UTP20: variants seen among roughly 807,000 people sequenced by gnomAD.
UTP20 encodes UTP20 small subunit processome component, also known as small subunit processome component 20 homolog.
In UTP20, 164 loss-of-function variants were observed where a neutral mutation model predicts 329.5. The observed-to-expected ratio is 0.50, with a 90% CI of 0.44 to 0.57. The LOEUF is 0.57. Ranked by LOEUF, UTP20 falls within the 20% of genes least tolerant of loss-of-function variation. UTP20 has a pLI of 0.00. For synonymous variants in UTP20, 1,151 were observed against 1,159.3 expected (o/e 0.99, Z 0.14); for missense variants, 3,055 against 3,284.2 (o/e 0.93, Z 1.71).
chr12:101,355,008 G>A lies in UTP20; in HGVS notation c.5284G>A (p.Val1762Ile), dbSNP rs764125310. ...AGAATCCGAGTGTATCACAAAGCCT[G>A]TCTCTTTCCTTCCTCAAAACAAGGA... ...AKESECITKP[V>I]SFLPQNKEEI... The change falls in exon 41 of 62, where the codon GTC becomes ATC. Residue 1762 changes from valine to isoleucine, a missense_variant. Transcript: ENST00000261637. 2 of 1,614,072 alleles carry A rather than the reference G, an allele frequency of 1.2e-6. No homozygotes were observed. Among genetic ancestry groups the A allele is most frequent in the East Asian group, 2.2e-5 (1 of 44,896 alleles).
At chr12:101,284,434 A>G (rs1025298768) in intron 2 of UTP20, among the ~76,000 whole-genome samples, 4 of 152,118 alleles carry the variant, frequency 2.6e-5, no homozygotes, top group Admixed American at 2.6e-4. Flanking sequence ...ATTCTTTTTT[A>G]AGGCATATAA....
chr12:101,344,028 C>T (rs932427959), intron 35 of UTP20, among the ~76,000 whole-genome samples: 2 of 152,156 alleles, frequency 1.3e-5, no homozygotes, highest in Non-Finnish European at 2.9e-5. Flanking sequence ...CATGTAGTGG[C>T]ATCAGTGATC....
At chr12:101,356,862 A>G (rs1379215306) in intron 42 of UTP20, 64 bp from the exon 43 acceptor site, 1 of 1,532,852 alleles carries the variant, frequency 6.5e-7, no homozygotes, top group African/African-American at 1.4e-5. Context: ...AGACTAAAGG[A>G]TATGTGTATG....
At chr12:101,308,682 C>T (rs887485194) in intron 18 of UTP20, among the ~76,000 whole-genome samples, 2 of 151,278 alleles carry the variant, frequency 1.3e-5, no homozygotes, top group African/African-American at 4.9e-5. Context: ...AGGTTTAAAG[C>T]TTGCTCTTCT....
Position 101,285,843 on chromosome 12 carries a change from G to A in UTP20, c.288G>A (p.Leu96=). Residue 96 remains leucine, a synonymous_variant, in exon 4 of 62, where the codon CTG becomes CTA. Transcript: ENST00000261637. The part of the protein sequence containing the change: ...NEIVQSLKTH[L]QVKNSFAYQP... Reference sequence around the variant, plus strand: ...TAGTTCAGAGTTTGAAGACTCACCTGCAAGTTAAGAACAGTTTTGCCTATC... The same window carrying A: ...TAGTTCAGAGTTTGAAGACTCACCTACAAGTTAAGAACAGTTTTGCCTATC... The A allele has an allele frequency of 6.2e-7, 1 of 1,613,822 alleles. No individual in the cohort carries two copies. Among genetic ancestry groups the A allele is most frequent in the Middle Eastern group, 1.7e-4 (1 of 6,058 alleles).
At chr12:101,283,812 T>C (rs963971842) in intron 2 of UTP20, among the ~76,000 whole-genome samples, 1 of 152,200 alleles carries the variant, frequency 6.6e-6, no homozygotes, top group Non-Finnish European at 1.5e-5. Context: ...AGCCTCCCAC[T>C]GTTGGGATTA....
intron 2 of UTP20, among the ~76,000 whole-genome samples, chr12:101,282,973 G>C (rs1264678280): frequency 6.6e-6 from 1 of 152,174 alleles, no homozygotes; most frequent in Non-Finnish European, 1.5e-5. Flanking sequence ...TACTCATCAA[G>C]ATATATTTAT....
At chr12:101,286,266 A>T in intron 4 of UTP20, 55 bp from the exon 5 acceptor site, 2 of 1,471,808 alleles carry the variant, frequency 1.4e-6, no homozygotes, top group Non-Finnish European at 1.8e-6. Context: ...CGTTAAGTAG[A>T]TTTGTAGCCT....
chr12:101,313,007 A>G (rs1015590035), intron 21 of UTP20, among the ~76,000 whole-genome samples: 1 of 152,050 alleles, frequency 6.6e-6, no homozygotes, highest in African/African-American at 2.4e-5. Context: ...GCTTGAAGGT[A>G]TTTTCCAGTG....
chr12:101,385,511 T>G, intron 60 of UTP20, 72 bp from the exon 61 acceptor site: 1 of 1,508,556 alleles, frequency 6.6e-7, no homozygotes, highest in Non-Finnish European at 8.9e-7. Context: ...TTGTACATAT[T>G]GTTGATTTTG....
intron 27 of UTP20, among the ~76,000 whole-genome samples, chr12:101,329,839 G>T (rs1208985118): frequency 6.6e-6 from 1 of 151,566 alleles, no homozygotes; most frequent in Admixed American, 6.6e-5. Context: ...CCCCATTTAT[G>T]CAAAAAAGTA....
intron 43 of UTP20, among the ~76,000 whole-genome samples, chr12:101,357,409 A>G (rs1869758811): frequency 1.3e-5 from 2 of 152,160 alleles, no homozygotes. Flanking sequence ...GGTGTGAATG[A>G]TAAAGAACAT....
intron 12 of UTP20, among the ~76,000 whole-genome samples, chr12:101,297,802 C>G (rs778915902): frequency 2.0e-5 from 3 of 152,180 alleles, no homozygotes; most frequent in Non-Finnish European, 4.4e-5. Flanking sequence ...AGCTAAGGGA[C>G]TGACTGAGAC....
intron 43 of UTP20, among the ~76,000 whole-genome samples, chr12:101,358,404 A>T (rs1355952614): frequency 6.6e-6 from 1 of 152,228 alleles, no homozygotes; most frequent in Non-Finnish European, 1.5e-5. Flanking sequence ...ATTGTCAAAC[A>T]AGTTTTAAGC....
At chr12:101,381,888 G>C (rs777742122) in intron 58 of UTP20, among the ~76,000 whole-genome samples, 2 of 151,656 alleles carry the variant, frequency 1.3e-5, no homozygotes, top group Admixed American at 6.6e-5. Context: ...GCATGGTGGC[G>C]CATGCCTGTA....
Position 101,294,113 on chromosome 12 carries a change from G to A in UTP20, c.1251+868G>A, listed in dbSNP as rs186311657. On this transcript the variant is annotated intron_variant, in intron 11 of 61. Transcript: ENST00000261637. ...TGCAGTGGCATGATCTCGGCTCACTGCAACCTCTGCCTCCCAGGTTCATGC... is the reference window on the plus strand; with the variant it reads ...TGCAGTGGCATGATCTCGGCTCACTACAACCTCTGCCTCCCAGGTTCATGC... 2.0e-4 allele frequency among the ~76,000 whole-genome samples: 30 copies of A among 151,784 alleles called. 1 individual carries two copies. Among genetic ancestry groups the A allele is most frequent in the African/African-American group, 7.3e-4 (30 of 41,356 alleles).
At chr12:101,374,774 C>T (rs1046765956) in intron 54 of UTP20, 34 bp from the exon 55 acceptor site, 9 of 873,564 alleles carry the variant, frequency 1.0e-5, no homozygotes, top group Non-Finnish European at 1.8e-5. Flanking sequence ...CTCCCAAGTT[C>T]TCTTGACATT....
intron 46 of UTP20, 30 bp from the exon 47 acceptor site, chr12:101,366,528 T>C: frequency 6.3e-7 from 1 of 1,599,324 alleles, no homozygotes. Flanking sequence ...CAGTGTTCTT[T>C]ACCCTCTTCT....
intron 24 of UTP20, among the ~76,000 whole-genome samples, chr12:101,321,266 T>C (rs1402251803): frequency 1.3e-5 from 2 of 152,230 alleles, no homozygotes; most frequent in African/African-American, 4.8e-5. Flanking sequence ...TGTATCATGC[T>C]TTTTTAAACA....
Sources: gnomAD v4.1 joint callset for allele counts (sites outside exome capture counted in the v4.1 genomes callset) on GRCh38, gnomAD v4.1.1 for gene constraint, MANE v1.5 for transcripts, NCBI Gene and HGNC (gene_info 2026-07-23, HGNC 2026-07-21) for gene names.